Variants in CNTNAP2 observed in about 807,000 individuals in gnomAD.
CNTNAP2 encodes the protein contactin-associated protein-like 2.
In CNTNAP2, 98 loss-of-function variants were observed where a neutral mutation model predicts 155.2. The ratio of observed to expected loss-of-function variants is 0.63; its 90% CI spans 0.54 to 0.75. The LOEUF is 0.75. Among genes scored for constraint, CNTNAP2 ranks in the 30% least tolerant of loss-of-function variants. CNTNAP2 has a pLI of 0.00. For synonymous variants in CNTNAP2, 651 were observed against 631.2 expected, an observed-to-expected ratio of 1.03 and a Z score of -0.47; for missense variants, 1,727 against 1,688.1, an observed-to-expected ratio of 1.02 and a Z score of -0.40.
chr7:147,165,064 G>A (rs1802090466), intron 8 of CNTNAP2, among the ~76,000 whole-genome samples: 1 of 152,156 alleles, frequency 6.6e-6, no homozygotes, highest in Admixed American at 6.5e-5. Context: ...TTATTTGAAA[G>A]CTTGAACAAG....
At chr7:147,177,547 A>G (rs1802374904) in intron 8 of CNTNAP2, among the ~76,000 whole-genome samples, 1 of 152,190 alleles carries the variant, frequency 6.6e-6, no homozygotes, top group Non-Finnish European at 1.5e-5. Context: ...ATGAGAACAT[A>G]CTAATATGTA....
chr7:146,162,162 A>G (rs201474725), intron 1 of CNTNAP2, among the ~76,000 whole-genome samples: 14 of 152,152 alleles, frequency 9.2e-5, no homozygotes, highest in South Asian at 2.1e-4. Flanking sequence ...ATTGACAAAT[A>G]GGATCTAATT....
chr7:147,407,096 G>T (rs1168827871), intron 10 of CNTNAP2, among the ~76,000 whole-genome samples: 2 of 152,188 alleles, frequency 1.3e-5, no homozygotes, highest in Admixed American at 6.5e-5. Flanking sequence ...ACATAAAAGT[G>T]CATTGCTTTT....
At chr7:146,931,270 G>A (rs1012967465) in intron 3 of CNTNAP2, among the ~76,000 whole-genome samples, 48 of 152,068 alleles carry the variant, frequency 3.2e-4, no homozygotes, top group Non-Finnish European at 7.3e-5. Context: ...CCAGAAATCA[G>A]GATTAAGAAA....
At chr7:147,949,551 C>G (rs1459710558) in intron 14 of CNTNAP2, among the ~76,000 whole-genome samples, 1 of 151,578 alleles carries the variant, frequency 6.6e-6, no homozygotes, top group African/African-American at 2.4e-5. Flanking sequence ...CTTAGAAACA[C>G]AGCTAGGAAT....
chr7:146,934,866 A>G (rs528877524), intron 3 of CNTNAP2, among the ~76,000 whole-genome samples: 4 of 152,150 alleles, frequency 2.6e-5, no homozygotes, highest in Admixed American at 6.5e-5. Flanking sequence ...CGTGCTGTGG[A>G]CCGAACAAAT....
In CNTNAP2 at chr7:147,061,927, G is replaced by C. The variant is rs577960450; in HGVS notation, c.550+17873G>C. ...GCGGATCACGAGGTCAGGAGATTGAGACCATCCTGGCTCACACGGTGAAAC... is the reference window on the plus strand; with the variant it reads ...GCGGATCACGAGGTCAGGAGATTGACACCATCCTGGCTCACACGGTGAAAC... On this transcript the variant is annotated intron_variant, in intron 4 of 23. Transcript: ENST00000361727. Among the ~76,000 whole-genome samples, 6 of 151,888 alleles carry C rather than the reference G, an allele frequency of 4.0e-5. No individual in the cohort carries two copies. In the South Asian group the frequency reaches 1.3e-3, roughly 32 times the overall value.
At chr7:147,851,470 C>G (rs1411325987) in intron 13 of CNTNAP2, among the ~76,000 whole-genome samples, 1 of 152,106 alleles carries the variant, frequency 6.6e-6, no homozygotes. Flanking sequence ...GACACATGCA[C>G]ACGTATGTTT....
At chr7:147,910,740 T>C (rs529749756) in intron 14 of CNTNAP2, among the ~76,000 whole-genome samples, 8 of 152,224 alleles carry the variant, frequency 5.3e-5, no homozygotes, top group African/African-American at 1.4e-4. Flanking sequence ...TCATGAGACT[T>C]AGTCCCTACC....
chr7:147,858,404 C>T (rs1281951852), intron 13 of CNTNAP2, among the ~76,000 whole-genome samples: 12 of 152,204 alleles, frequency 7.9e-5, no homozygotes, highest in Admixed American at 7.2e-4. Flanking sequence ...AATGAAAATA[C>T]TTTCAACATG....
chr7:148,073,935 G>A (rs920647457), intron 15 of CNTNAP2, among the ~76,000 whole-genome samples: 1 of 152,098 alleles, frequency 6.6e-6, no homozygotes, highest in South Asian at 2.1e-4. Flanking sequence ...TTCCATACTT[G>A]AATGTGCTCG....
chr7:147,780,102 A>G lies in CNTNAP2; in HGVS notation c.2099-123463A>G, dbSNP rs141003356. 3.3e-3 allele frequency among the ~76,000 whole-genome samples: 496 copies of G among 152,332 alleles called. 3 individuals are homozygous for G. The highest frequency in any genetic ancestry group is 0.011 in the African/African-American group (472 of 41,578). On this transcript the variant is annotated intron_variant, in intron 13 of 23. Coordinates refer to ENST00000361727, the MANE Select transcript of CNTNAP2 (RefSeq NM_014141.6). The stretch of plus-strand genomic sequence containing the variant: ...ATTATTTATCATCAAATATTTGTAA[A>G]TGAAAGTTCTAGAGGATGAGACAGA...
At chr7:146,821,148 C>T (rs1050669175) in intron 2 of CNTNAP2, among the ~76,000 whole-genome samples, 2 of 152,118 alleles carry the variant, frequency 1.3e-5, no homozygotes, top group Middle Eastern at 3.2e-3. Context: ...TTAATTGGAG[C>T]ATTTACCCCA....
At chr7:148,110,564 C>T (rs1447056424) in intron 15 of CNTNAP2, among the ~76,000 whole-genome samples, 3 of 152,176 alleles carry the variant, frequency 2.0e-5, no homozygotes, top group African/African-American at 4.8e-5. Context: ...AACTTCAGCA[C>T]ATCACAAGTT....
intron 1 of CNTNAP2, among the ~76,000 whole-genome samples, chr7:146,770,984 G>A (rs953326852): frequency 2.6e-5 from 4 of 152,070 alleles, no homozygotes; most frequent in African/African-American, 9.7e-5. Flanking sequence ...CTCCTAGCAT[G>A]ATCCTGCAGA....
intron 12 of CNTNAP2, among the ~76,000 whole-genome samples, chr7:147,574,546 G>A (rs1365516880): frequency 6.6e-6 from 1 of 152,052 alleles, no homozygotes; most frequent in Non-Finnish European, 1.5e-5. Flanking sequence ...GAAGCTGAGT[G>A]TTCCCGTTTT....
chr7:148,410,565 C>CAAAAAA (rs56258191), intron 23 of CNTNAP2, among the ~76,000 whole-genome samples: 1 of 112,862 alleles, frequency 8.9e-6, no homozygotes, highest in African/African-American at 3.5e-5. Flanking sequence ...AGACCTTTCT[C>CAAAAAA]AAAAAAAAAA....
In CNTNAP2 at chr7:148,297,165, A is replaced by AAGGAAGGAAGG. The variant is rs1797299988; in HGVS notation, c.3475+30040_3475+30041insGGAAGGAAGGA. 5.4e-4 allele frequency among the ~76,000 whole-genome samples: 70 copies of AAGGAAGGAAGG among 128,926 alleles called. 1 individual carries two copies. The highest frequency in any genetic ancestry group is 1.3e-3 in the African/African-American group (43 of 33,456). The allele number at this position is 128,926 out of a possible 152,430, so 84.6% of individuals were successfully genotyped here. On this transcript the variant is annotated intron_variant, in intron 21 of 23. Transcript: ENST00000361727. ...AAAAAAAAAGAGAGGGAGATAGAGA[A>AAGGAAGGAAGG]AAGGAAGGAAGGAAGGAAGGAAGGA... is the stretch of plus-strand genomic sequence containing the variant.
intron 1 of CNTNAP2, among the ~76,000 whole-genome samples, chr7:146,145,818 G>A (rs963243866): frequency 1.3e-5 from 2 of 152,168 alleles, no homozygotes; most frequent in Admixed American, 1.3e-4. Flanking sequence ...GAAGACAGCT[G>A]TACCTAAATC....
Sources: allele counts gnomAD v4.1 joint callset (sites outside exome capture counted in the v4.1 genomes callset), GRCh38; gene constraint gnomAD v4.1.1; transcripts MANE v1.5; gene names NCBI Gene and HGNC (gene_info 2026-07-23, HGNC 2026-07-21).